ZNF608: variants seen among roughly 807,000 people sequenced by gnomAD.
The protein encoded by ZNF608 is renal carcinoma antigen NY-REN-36.
ZNF608 carries 12 observed loss-of-function variants against 109.0 expected under a neutral mutation model. The observed-to-expected ratio is 0.11, with a 90% CI of 0.07 to 0.18. The LOEUF (loss-of-function observed/expected upper bound fraction) is 0.18, where lower values mean the gene tolerates loss of function less well. Among genes scored for constraint, ZNF608 ranks in the 10% least tolerant of loss-of-function variants. ZNF608 has a pLI of 1.00. For missense variants in ZNF608, 1,707 were observed against 1,879.3 expected, an observed-to-expected ratio of 0.91 and a Z score of 1.70; for synonymous variants, 732 against 717.4, an observed-to-expected ratio of 1.02 and a Z score of -0.33.
In ZNF608 at chr5:124,660,219, A is replaced by G. The variant is rs1751194588; in HGVS notation, c.1163-10522T>C. On this transcript the variant is annotated intron_variant, in intron 3 of 9. Coordinates refer to ENST00000513986, the MANE Select transcript of ZNF608 (RefSeq NM_020747.3). ...GAGAGAGAGAATGGGAGAGATCTGCATGTATATGGCACACAAAGGGGTACA... is the reference window on the plus strand; with the variant it reads ...GAGAGAGAGAATGGGAGAGATCTGCGTGTATATGGCACACAAAGGGGTACA... 2.0e-5 allele frequency among the ~76,000 whole-genome samples: 3 copies of G among 152,068 alleles called. No homozygotes were observed. In the South Asian group the frequency reaches 6.2e-4, roughly 32 times the overall value.
At chr5:124,731,292 C>T (rs1325488240) in intron 2 of ZNF608, among the ~76,000 whole-genome samples, 2 of 152,148 alleles carry the variant, frequency 1.3e-5, no homozygotes, top group Non-Finnish European at 2.9e-5. Context: ...CTCACTGCAA[C>T]CTCTGCCTCC....
intron 2 of ZNF608, among the ~76,000 whole-genome samples, chr5:124,724,509 A>AAAT (rs1451800144): frequency 1.3e-5 from 2 of 151,736 alleles, no homozygotes; most frequent in Non-Finnish European, 2.9e-5. Flanking sequence ...AAAAAAAAAA[A>AAAT]AAAAAAGACT....
rs564276336 is a variant in ZNF608, at chr5:124,695,962, T to A, written c.1162+5052A>T. On this transcript the variant is annotated intron_variant, in intron 3 of 9. Transcript: ENST00000513986. Reference sequence around the variant, plus strand: ...ACTTTGGGAGGCCAAGGCGGGTGGATCACCTGAGGTCAGGAGTTCGAGACC... The same window carrying A: ...ACTTTGGGAGGCCAAGGCGGGTGGAACACCTGAGGTCAGGAGTTCGAGACC... Among the ~76,000 whole-genome samples, 10 of 152,234 alleles carry A rather than the reference T, an allele frequency of 6.6e-5. 1 individual carries two copies. The East Asian group carries it at 1.9e-3, about 30-fold the overall frequency.
chr5:124,704,077 AT>A (rs1753162852), intron 2 of ZNF608, among the ~76,000 whole-genome samples: 1 of 152,224 alleles, frequency 6.6e-6, no homozygotes, highest in Admixed American at 6.5e-5. Context: ...TTGAACTGAT[AT>A]TTATAGCAAG....
In ZNF608 at chr5:124,684,656, A is replaced by C. The variant is rs1399314521; in HGVS notation, c.1162+16358T>G. On this transcript the variant is annotated intron_variant, in intron 3 of 9. Transcript: ENST00000513986. ...CATATGTACATATATTTTTATAACA[A>C]ATGGGCGTAGTGGGAAGTGAGAGTT... Among the ~76,000 whole-genome samples, 4 of 152,210 alleles carry C rather than the reference A, an allele frequency of 2.6e-5. No homozygotes were observed. In the East Asian group the frequency reaches 5.8e-4, roughly 22 times the overall value.
chr5:124,691,915 A>T (rs1350224497), intron 3 of ZNF608, among the ~76,000 whole-genome samples: 2 of 146,678 alleles, frequency 1.4e-5, no homozygotes, highest in South Asian at 2.1e-4. Context: ...GGTTAAGAAT[A>T]AAAAAAAAAA....
At chr5:124,709,831 C>A (rs1172332556) in intron 2 of ZNF608, among the ~76,000 whole-genome samples, 1 of 152,136 alleles carries the variant, frequency 6.6e-6, no homozygotes, top group Non-Finnish European at 1.5e-5. Context: ...AGGAGACCAT[C>A]GTAAAGGCAC....
chr5:124,723,061 T>G (rs1753996403), intron 2 of ZNF608, among the ~76,000 whole-genome samples: 1 of 151,830 alleles, frequency 6.6e-6, no homozygotes, highest in Non-Finnish European at 1.5e-5. Flanking sequence ...GACAAGGTCT[T>G]TCTGTGTTTC....
At chr5:124,638,111 T>G (rs1750061765) in intron 9 of ZNF608, among the ~76,000 whole-genome samples, 1 of 150,656 alleles carries the variant, frequency 6.6e-6, no homozygotes, top group African/African-American at 2.4e-5. Flanking sequence ...CCACCATGCC[T>G]GGCTAATTTT....
At chr5:124,701,528 A>C (rs1479235700) in intron 2 of ZNF608, among the ~76,000 whole-genome samples, 1 of 152,208 alleles carries the variant, frequency 6.6e-6, no homozygotes, top group African/African-American at 2.4e-5. Flanking sequence ...CTCCTTCTAA[A>C]TTCATCATTG....
rs766387338 is a variant in ZNF608, at chr5:124,648,187, T to G, written c.2197A>C (p.Lys733Gln). Residue 733 changes from lysine to glutamine, a missense_variant, in exon 5 of 10, where the codon AAA (lysine) becomes CAA (glutamine). Transcript: ENST00000513986. ...CKTDKNLSKL[K>Q]SARPIAPAPA... is the part of the protein sequence containing the mutation. ...GCAGGGGCAATGGGCCGGGCACTTTTCAGTTTAGAGAGGTTTTTGTCCGTT... is the reference window on the plus strand; with the variant it reads ...GCAGGGGCAATGGGCCGGGCACTTTGCAGTTTAGAGAGGTTTTTGTCCGTT... 4.0e-5 allele frequency: 65 copies of G among 1,613,742 alleles called. No individual in the cohort carries two copies. The highest frequency in any genetic ancestry group is 5.5e-5 in the Non-Finnish European group (65 of 1,179,958).
rs745419006 is a variant in ZNF608, at chr5:124,647,967, A to G, written c.2417T>C (p.Val806Ala). 9 of 1,614,012 alleles carry G rather than the reference A, an allele frequency of 5.6e-6. No homozygotes were observed. The South Asian group carries it at 9.9e-5, about 18-fold the overall frequency. The change falls in exon 5 of 10, where the codon GTG becomes GCG. Residue 806 changes from valine to alanine, a missense_variant. Val to Ala is a moderately conservative substitution (Grantham distance 64). This residue lies in a region of ZNF608 where 1,073 missense variants were observed against 1,133.5 expected (regional missense o/e 0.95). Coordinates refer to ENST00000513986, the MANE Select transcript of ZNF608 (RefSeq NM_020747.3). ...GEPITVNPAL[V>A]SLKDKKKKEK... ...CTTTTTCTTTTTGTCTTTGAGTGAC[A>G]CCAGAGCTGGGTTCACGGTGATGGG...
intron 3 of ZNF608, among the ~76,000 whole-genome samples, chr5:124,694,142 ATTTTTTTTTT>A (rs11320730): frequency 7.8e-5 from 5 of 63,932 alleles, no homozygotes; most frequent in African/African-American, 2.8e-4. Flanking sequence ...CGCTCGGCTA[ATTTTTTTTTT>A]TTTTTTTTTT....
At chr5:124,677,565 T>C (rs2149820676) in intron 3 of ZNF608, among the ~76,000 whole-genome samples, 1 of 152,300 alleles carries the variant, frequency 6.6e-6, no homozygotes, top group East Asian at 1.9e-4. Flanking sequence ...AAAATACAAC[T>C]ATTACATATC....
chr5:124,673,692 G>A (rs1751823246), intron 3 of ZNF608, among the ~76,000 whole-genome samples: 1 of 151,886 alleles, frequency 6.6e-6, no homozygotes, highest in Non-Finnish European at 1.5e-5. Flanking sequence ...ATTCAAAAAA[G>A]CCTAAATAGA....
At chr5:124,735,813 TC>T (rs1231506260) in intron 2 of ZNF608, among the ~76,000 whole-genome samples, 2 of 152,330 alleles carry the variant, frequency 1.3e-5, no homozygotes, top group Middle Eastern at 3.4e-3. Flanking sequence ...ATCATGTTGC[TC>T]CCTTTTGGGG....
At chr5:124,697,796 G>T (rs991688348) in intron 3 of ZNF608, among the ~76,000 whole-genome samples, 1 of 152,124 alleles carries the variant, frequency 6.6e-6, no homozygotes, top group Admixed American at 6.5e-5. Context: ...CCAGTCTTGC[G>T]ATTCCCAACC....
intron 3 of ZNF608, among the ~76,000 whole-genome samples, chr5:124,673,042 A>G (rs558318155): frequency 1.3e-5 from 2 of 152,322 alleles, no homozygotes; most frequent in Admixed American, 1.3e-4. Context: ...ACATAACCCG[A>G]AAGACTGGGT....
At chr5:124,699,219 T>A (rs978102867) in intron 3 of ZNF608, among the ~76,000 whole-genome samples, 7 of 152,198 alleles carry the variant, frequency 4.6e-5, no homozygotes, top group Non-Finnish European at 1.0e-4. Flanking sequence ...GAACGCCTTA[T>A]CCACCATTTC....
Sources: allele counts gnomAD v4.1 joint callset (sites outside exome capture counted in the v4.1 genomes callset), GRCh38; gene constraint gnomAD v4.1.1; regional missense constraint gnomAD v4.1.1; transcripts MANE v1.5; gene names NCBI Gene and HGNC (gene_info 2026-07-23, HGNC 2026-07-21).